PTPN14: variants seen among roughly 807,000 people sequenced by gnomAD.
PTPN14 encodes tyrosine-protein phosphatase non-receptor type 14.
PTPN14 carries 53 observed loss-of-function variants against 126.8 expected under a neutral mutation model. That is an observed-to-expected ratio of 0.42 (90% CI 0.34 to 0.53). PTPN14 has a LOEUF of 0.53. Ranked by LOEUF, PTPN14 falls within the 20% of genes least tolerant of loss-of-function variation. PTPN14 has a pLI of 0.08. For missense variants in PTPN14, 1,257 were observed against 1,552.9 expected (o/e 0.81, Z 3.20); for synonymous variants, 630 against 599.3 (o/e 1.05, Z -0.75).
rs10522279 is a variant in PTPN14 at position 214,460,524 on chromosome 1, A to AACACACACACACACACAC, written c.174+4088_174+4105dup. ...AACTCTGCCTTTCCCTGAAAATTCC[A>AACACACACACACACACAC]ACACACACACACACACACACACACA... On this transcript the variant is annotated intron_variant, in intron 2 of 18. Coordinates refer to ENST00000366956, the MANE Select transcript of PTPN14 (RefSeq NM_005401.5). 1.7e-3 allele frequency among the ~76,000 whole-genome samples: 223 copies of AACACACACACACACACAC among 132,658 alleles called. 2 individuals are homozygous for AACACACACACACACACAC. Among genetic ancestry groups the AACACACACACACACACAC allele is most frequent in the African/African-American group, 5.9e-3 (196 of 33,260 alleles). 87.0% of individuals were successfully genotyped at this position (132,658 alleles called of 152,430 possible).
chr1:214,413,471 T>C (rs1427115957), intron 4 of PTPN14, among the ~76,000 whole-genome samples: 2 of 152,200 alleles, frequency 1.3e-5, no homozygotes, highest in Non-Finnish European at 2.9e-5. Flanking sequence ...GACACTTAAA[T>C]CTGAGATGAT....
At chr1:214,461,993 T>C (rs1240639755) in intron 2 of PTPN14, among the ~76,000 whole-genome samples, 1 of 152,218 alleles carries the variant, frequency 6.6e-6, no homozygotes, top group African/African-American at 2.4e-5. Context: ...TTAAGGTGTG[T>C]GTGTGCAAAA....
chr1:214,452,117 G>C, intron 2 of PTPN14, 143 bp from the exon 3 acceptor site: 2 of 879,204 alleles, frequency 2.3e-6, no homozygotes, highest in Non-Finnish European at 3.5e-6. Context: ...TATAACTTTG[G>C]GACTAATCAA....
In PTPN14 at chr1:214,383,693, AC is replaced by A. The variant is rs1658529020; in HGVS notation, c.2161del (p.Val721CysfsTer39). 1 of 1,613,266 alleles carries A rather than the reference AC, an allele frequency of 6.2e-7. No homozygotes were observed. Among genetic ancestry groups the A allele is most frequent in the South Asian group, 1.1e-5 (1 of 91,090 alleles). On this transcript the variant is annotated frameshift_variant, in exon 13 of 19. Coordinates refer to ENST00000366956, the MANE Select transcript of PTPN14 (RefSeq NM_005401.5). LOFTEE classifies it high-confidence loss of function. The surrounding 1 kb of genome is among the most constrained non-coding windows in gnomAD (Gnocchi z 4.4). ...CTCCCGGAGCATGGGGATCTGGGGC[AC>A]CGATTCTGGAGCCTCCTCCTCCTCC... ...EEEEEEAPES[V>X]PQIPMLREKM...
At position 214,383,746 on chromosome 1, in the gene PTPN14, C is replaced by A. The variant is rs762984047; in HGVS notation, c.2109G>T (p.Met703Ile). The stretch of plus-strand genomic sequence containing the variant: ...CCTCACTCTCGCTGCTGTGGATTAG[C>A]ATAGTGGCATCAGAGAAGGTCTTCT... ...HHKKTFSDAT[M>I]LIHSSESEEE... Residue 703 changes from methionine (M) to isoleucine (I), a missense_variant, in exon 13 of 19, where the codon ATG becomes ATT. By Grantham distance (10) the Met-to-Ile change is conservative. Around this residue, in one of 3 missense-constraint regions of PTPN14, gnomAD observed 1,021 missense variants for 1,183.3 expected, o/e 0.86. Coordinates refer to ENST00000366956, the MANE Select transcript of PTPN14 (RefSeq NM_005401.5). This position sits in a 1 kb window ranked among gnomAD's most constrained non-coding sequence, Gnocchi z 4.4. 5.6e-6 allele frequency: 9 copies of A among 1,613,552 alleles called. No individual in the cohort carries two copies. Among genetic ancestry groups the A allele is most frequent in the Non-Finnish European group, 6.8e-6 (8 of 1,180,038 alleles).
chr1:214,463,670 G>T (rs1660562918), intron 2 of PTPN14, among the ~76,000 whole-genome samples: 1 of 152,148 alleles, frequency 6.6e-6, no homozygotes, highest in African/African-American at 2.4e-5. Context: ...ACTTCCAACA[G>T]TGATTGCCAC....
chr1:214,460,403 TACACAACACACACAC>T (rs1329583552), intron 2 of PTPN14, among the ~76,000 whole-genome samples: 3 of 150,370 alleles, frequency 2.0e-5, no homozygotes, highest in Non-Finnish European at 3.0e-5. Context: ...TACACACACA[TACACAACACACACAC>T]ACACACATCA....
chr1:214,437,390 T>G (rs1026086411), intron 3 of PTPN14, among the ~76,000 whole-genome samples: 1 of 152,114 alleles, frequency 6.6e-6, no homozygotes, highest in Non-Finnish European at 1.5e-5. Flanking sequence ...AGTAGTATAA[T>G]TCAGGCCAGT....
chr1:214,446,477 C>CA (rs1299581764), intron 3 of PTPN14, among the ~76,000 whole-genome samples: 2 of 151,820 alleles, frequency 1.3e-5, no homozygotes, highest in South Asian at 2.1e-4. Flanking sequence ...AAATTAATGT[C>CA]AAAAAAAGCA....
chr1:214,437,626 T>G (rs17022937), intron 3 of PTPN14, among the ~76,000 whole-genome samples: 5,902 of 152,258 alleles, frequency 0.039, 366 homozygotes, highest in African/African-American at 0.13. Context: ...ACAAAATTGC[T>G]ACAGAAGAAC....
chr1:214,531,659 T>C (rs1046689512), intron 1 of PTPN14: 4 of 152,256 alleles, frequency 2.6e-5, no homozygotes, highest in Non-Finnish European at 5.9e-5. Flanking sequence ...TGAGGAACTA[T>C]AACCCAGGAT....
At chr1:214,546,988 T>C (rs1655985203) in intron 1 of PTPN14, among the ~76,000 whole-genome samples, 1 of 152,094 alleles carries the variant, frequency 6.6e-6, no homozygotes, top group Admixed American at 6.6e-5. Flanking sequence ...AGTAAAACAA[T>C]GTTAATATGT....
rs1316546719 is a variant in PTPN14, at chr1:214,357,257, A to G, written c.*665T>C. The G allele has an allele frequency of 2.0e-5, 3 of 147,568 alleles. No homozygotes were observed. The highest frequency in any genetic ancestry group is 7.5e-5 in the African/African-American group (3 of 39,926). The allele number at this position is 147,568 out of a possible 1,614,324, so 9.1% of individuals were successfully genotyped here. A position where few individuals can be genotyped will look rare whatever the true frequency, so the allele number is the denominator to read the frequency against. ...GCAATTACTGCATTGTAAAGGCAGC[A>G]CTGTCTTTAGCTATTCTGTCTTTAA... On this transcript the variant is annotated 3_prime_UTR_variant, in exon 19 of 19. Coordinates refer to ENST00000366956, the MANE Select transcript of PTPN14 (RefSeq NM_005401.5).
At chr1:214,393,414 C>G (rs1658803624) in intron 10 of PTPN14, among the ~76,000 whole-genome samples, 2 of 152,216 alleles carry the variant, frequency 1.3e-5, no homozygotes, top group South Asian at 4.1e-4. Context: ...CTCCAAACTT[C>G]TAGCAGAGGG....
intron 3 of PTPN14, among the ~76,000 whole-genome samples, chr1:214,441,356 C>G (rs1318657838): frequency 6.6e-6 from 1 of 152,126 alleles, no homozygotes; most frequent in Non-Finnish European, 1.5e-5. Context: ...CTATAATATC[C>G]TCAGGCTGGG....
At chr1:214,495,024 C>A (rs988337144) in intron 1 of PTPN14, among the ~76,000 whole-genome samples, 2 of 152,178 alleles carry the variant, frequency 1.3e-5, no homozygotes, top group African/African-American at 4.8e-5. Flanking sequence ...CTGGGACCAG[C>A]ATTAGTGGTG....
chr1:214,511,271 G>A (rs112972733), intron 1 of PTPN14, among the ~76,000 whole-genome samples: 5 of 152,084 alleles, frequency 3.3e-5, no homozygotes, highest in African/African-American at 7.2e-5. Flanking sequence ...AGACTTTCCC[G>A]TACTACAAAA....
At chr1:214,479,335 C>A (rs1282916612) in intron 1 of PTPN14, among the ~76,000 whole-genome samples, 1 of 149,334 alleles carries the variant, frequency 6.7e-6, no homozygotes, top group Admixed American at 6.8e-5. Flanking sequence ...CAGAGCAAAA[C>A]CCTGTCTTTT....
intron 1 of PTPN14, chr1:214,531,230 C>G (rs1284148542): frequency 6.6e-6 from 1 of 152,150 alleles, no homozygotes; most frequent in Non-Finnish European, 1.5e-5. Flanking sequence ...CCACCAGCAA[C>G]TACTACTGTT....
Sources: gnomAD v4.1 joint callset for allele counts (sites outside exome capture counted in the v4.1 genomes callset) on GRCh38, gnomAD v4.1.1 for gene constraint, gnomAD v4.1.1 regional missense constraint, Gnocchi (gnomAD v3.1) non-coding constraint, MANE v1.5 for transcripts, NCBI Gene and HGNC (gene_info 2026-07-23, HGNC 2026-07-21) for gene names.